The following ALDH9A1 variants were observed in gnomAD, a reference collection of about 807,000 sequenced individuals.
ALDH9A1 encodes the protein 4-trimethylaminobutyraldehyde dehydrogenase.
Under a neutral mutation model 56.6 loss-of-function variants are expected in ALDH9A1, and 42 were observed. The observed-to-expected ratio is 0.74, with a 90% CI of 0.58 to 0.96. The LOEUF is 0.96. ALDH9A1 is among the 40% of genes least tolerant of loss of function. The pLI is 0.00. For missense variants in ALDH9A1, 661 were observed against 651.5 expected, an observed-to-expected ratio of 1.01 and a Z score of -0.16; for synonymous variants, 242 against 236.0, an observed-to-expected ratio of 1.03 and a Z score of -0.23.
intron 7 of ALDH9A1, 103 bp downstream of exon 7, chr1:165,669,159 G>A (rs1032088826): frequency 7.4e-7 from 1 of 1,345,786 alleles, no homozygotes; most frequent in African/African-American, 1.5e-5. Context: ...ATAGTCCAAT[G>A]AATAATAGTC....
intron 2 of ALDH9A1, among the ~76,000 whole-genome samples, chr1:165,686,575 C>T (rs1649717024): frequency 6.6e-6 from 1 of 151,404 alleles, no homozygotes; most frequent in African/African-American, 2.4e-5. Flanking sequence ...TTCCCACCAG[C>T]CATGGTGAGA....
intron 3 of ALDH9A1, among the ~76,000 whole-genome samples, chr1:165,682,575 G>A (rs370528049): frequency 6.6e-6 from 1 of 152,204 alleles, no homozygotes; most frequent in East Asian, 1.9e-4. Context: ...GGGGAAGCAT[G>A]TAAGTTCCTT....
At chr1:165,667,689 T>C (rs1032190560) in intron 8 of ALDH9A1, among the ~76,000 whole-genome samples, 11 of 152,184 alleles carry the variant, frequency 7.2e-5, no homozygotes, top group African/African-American at 2.4e-4. Context: ...TAAATATTCA[T>C]GTAATAACTG....
chr1:165,669,535 T>A, intron 6 of ALDH9A1, 85 bp from the exon 7 acceptor site: 1 of 1,224,774 alleles, frequency 8.2e-7, no homozygotes, highest in Non-Finnish European at 1.1e-6. Context: ...CTAAAAACTT[T>A]AAACTGAAAA....
chr1:165,675,324 TA>T (rs1336710954), intron 6 of ALDH9A1, among the ~76,000 whole-genome samples: 1 of 151,946 alleles, frequency 6.6e-6, no homozygotes, highest in East Asian at 1.9e-4. Flanking sequence ...ATTTATTCTA[TA>T]TATTCTATAC....
In ALDH9A1 at chr1:165,698,366, C is replaced by G; in HGVS notation, c.181+12G>C. On this transcript the variant is annotated intron_variant, in intron 1 of 10. Coordinates refer to ENST00000354775, the MANE Select transcript of ALDH9A1 (RefSeq NM_000696.4). ...CCAGGGCGCCCCAGCCTCCCCGGCT[C>G]GTTGCAGTTACCGGTTGCTGGCTCG... 1.3e-6 allele frequency: 2 copies of G among 1,587,144 alleles called. No individual in the cohort carries two copies. The highest frequency in any genetic ancestry group is 1.4e-5 in the African/African-American group (1 of 72,876).
intron 9 of ALDH9A1, among the ~76,000 whole-genome samples, chr1:165,665,821 T>C (rs1283324917): frequency 1.3e-5 from 2 of 152,164 alleles, no homozygotes; most frequent in East Asian, 3.8e-4. Flanking sequence ...GAATGTAAAA[T>C]GGTGCTGCGA....
chr1:165,664,140 G>A (rs981110397), intron 10 of ALDH9A1, among the ~76,000 whole-genome samples: 1 of 151,996 alleles, frequency 6.6e-6, no homozygotes, highest in Non-Finnish European at 1.5e-5. Flanking sequence ...TACCCCACCG[G>A]GACAAATAAG....
chr1:165,673,892 G>T (rs114773628), intron 6 of ALDH9A1, among the ~76,000 whole-genome samples: 2,559 of 152,164 alleles, frequency 0.017, 29 homozygotes, highest in Admixed American at 0.026. Flanking sequence ...GGACGTACTG[G>T]ACTGCATTCC....
chr1:165,680,443 A>T (rs988842656), intron 5 of ALDH9A1, 44 bp downstream of exon 5: 8 of 1,596,162 alleles, frequency 5.0e-6, no homozygotes, highest in African/African-American at 1.4e-5. Context: ...GATTTGCCAC[A>T]TCCAAATGCC....
rs1205742723 is a variant in ALDH9A1, at chr1:165,662,375, G to A, written c.*675C>T. On this transcript the variant is annotated 3_prime_UTR_variant, in exon 11 of 11. Coordinates refer to ENST00000354775, the MANE Select transcript of ALDH9A1 (RefSeq NM_000696.4). Reference sequence around the variant, plus strand: ...TTCCTCTATCGCAGTAGTGAACAGAGACAAAGTGCTTACTAGGCAAGTTCA... The same window carrying A: ...TTCCTCTATCGCAGTAGTGAACAGAAACAAAGTGCTTACTAGGCAAGTTCA... The A allele has an allele frequency of 1.3e-5, 2 of 152,306 alleles. No homozygotes were observed. The highest frequency in any genetic ancestry group is 2.9e-5 in the Non-Finnish European group (2 of 68,158). The allele number at this position is 152,306 out of a possible 1,614,324, so 9.4% of individuals were successfully genotyped here. A position where few individuals can be genotyped will look rare whatever the true frequency, so the allele number is the denominator to read the frequency against.
chr1:165,692,295 G>A (rs1649918027), intron 2 of ALDH9A1, among the ~76,000 whole-genome samples: 1 of 152,190 alleles, frequency 6.6e-6, no homozygotes, highest in South Asian at 2.1e-4. Flanking sequence ...CAGATGACAT[G>A]ATTGTATATT....
In ALDH9A1 at chr1:165,680,502, C is replaced by A. The variant is rs780492689; in HGVS notation, c.774G>T (p.Val258=). 5 of 1,613,910 alleles carry A rather than the reference C, an allele frequency of 3.1e-6. No individual in the cohort carries two copies. In the Admixed American group the frequency reaches 6.7e-5, roughly 22 times the overall value. The part of the protein sequence containing the change: ...DVAKVSFTGS[V]PTGMKIMEMS... ...TTGTCCTCACCTTCATGCCAGTGGG[C>A]ACACTTCCAGTGAAGGAGACTTTGG... The change falls in exon 5 of 11, where the codon GTG becomes GTT. Residue 258 remains valine, a synonymous_variant. Coordinates refer to ENST00000354775, the MANE Select transcript of ALDH9A1 (RefSeq NM_000696.4).
At chr1:165,669,482 T>C (rs953757659) in intron 6 of ALDH9A1, 32 bp from the exon 7 acceptor site, 9 of 1,567,842 alleles carry the variant, frequency 5.7e-6, no homozygotes, top group African/African-American at 5.5e-5. Flanking sequence ...TCAATTTCTA[T>C]GTGTGTAAGG....
Position 165,665,002 on chromosome 1 carries a change from C to G in ALDH9A1, c.1462+16G>C. The G allele has an allele frequency of 1.9e-6, 3 of 1,604,300 alleles. No individual in the cohort carries two copies. Among genetic ancestry groups the G allele is most frequent in the Non-Finnish European group, 2.6e-6 (3 of 1,171,328 alleles). On this transcript the variant is annotated intron_variant, in intron 10 of 10. Transcript: ENST00000354775. ...TCTAGAGACCTAGTTTGCATTCACA[C>G]CTCCCAGCTCCTCACCTGACTTCTT...
intron 4 of ALDH9A1, 66 bp downstream of exon 4, chr1:165,682,041 A>C (rs942135603): frequency 6.3e-7 from 1 of 1,582,424 alleles, no homozygotes. Flanking sequence ...AAAGGTAGAG[A>C]ATGGGGAGAG....
intron 6 of ALDH9A1, chr1:165,671,615 T>C (rs1440216512): frequency 4.2e-6 from 2 of 477,608 alleles, no homozygotes; most frequent in East Asian, 5.6e-5. Context: ...TGCTAAATTC[T>C]GTCTGATTCT....
chr1:165,663,287 T>C, intron 10 of ALDH9A1, 143 bp from the exon 11 acceptor site: 1 of 693,694 alleles, frequency 1.4e-6, no homozygotes, highest in South Asian at 1.8e-5. Context: ...TCAATCCACA[T>C]ATTAGCTGTG....
At position 165,669,335 on chromosome 1, in the gene ALDH9A1, G is replaced by C; in HGVS notation, c.1046C>G (p.Thr349Arg). Residue 349 changes from threonine (T) to arginine (R), a missense_variant, in exon 7 of 11, where the codon ACA (threonine) becomes AGA (arginine). Coordinates refer to ENST00000354775, the MANE Select transcript of ALDH9A1 (RefSeq NM_000696.4). ...IKIGDPLLED[T>R]RMGPLINRPH... ...TCGGTTGATGAGTGGACCCATCCTT[G>C]TATCTTCCAGAAGGGGATCTCCAAT... 1 of 1,614,030 alleles carries C rather than the reference G, an allele frequency of 6.2e-7. No homozygotes were observed. The highest frequency in any genetic ancestry group is 8.5e-7 in the Non-Finnish European group (1 of 1,179,962).
Sources: gnomAD v4.1 joint callset for allele counts (sites outside exome capture counted in the v4.1 genomes callset) on GRCh38, gnomAD v4.1.1 for gene constraint, MANE v1.5 for transcripts, NCBI Gene and HGNC (gene_info 2026-07-23, HGNC 2026-07-21) for gene names.